SLC35F1: variants seen among roughly 807,000 people sequenced by gnomAD.
SLC35F1 encodes chromosome 6 open reading frame 169.
Under a neutral mutation model 48.7 loss-of-function variants are expected in SLC35F1, and 14 were observed. That is an observed-to-expected ratio of 0.29 (90% confidence interval 0.19 to 0.45). The LOEUF (loss-of-function observed/expected upper bound fraction) is 0.45. Among genes scored for constraint, SLC35F1 ranks in the 20% least tolerant of loss-of-function variants. SLC35F1 has a pLI of 1.00. For missense variants in SLC35F1, 404 were observed against 500.0 expected, an observed-to-expected ratio of 0.81 and a Z score of 1.83; for synonymous variants, 190 against 202.2, an observed-to-expected ratio of 0.94 and a Z score of 0.51.
At chr6:118,058,927 T>A (rs533039367) in intron 1 of SLC35F1, among the ~76,000 whole-genome samples, 1 of 152,332 alleles carries the variant, frequency 6.6e-6, no homozygotes, top group Non-Finnish European at 1.5e-5. Flanking sequence ...ACTGAAATTT[T>A]TTGTGGGGCT....
rs181576432 is a variant in SLC35F1, at chr6:117,939,379, C to T, written c.173+31480C>T. Among the ~76,000 whole-genome samples, 13 of 152,304 alleles carry T rather than the reference C, an allele frequency of 8.5e-5. 1 individual carries two copies. The East Asian group carries it at 2.5e-3, about 29-fold the overall frequency. ...CCAGACAGATCTGAGTCTGACTTCA[C>T]CCCAGCCAGGGACTGCATGTGAGTT... On this transcript the variant is annotated intron_variant, in intron 1 of 7. Coordinates refer to ENST00000360388, the MANE Select transcript of SLC35F1 (RefSeq NM_001029858.4).
chr6:118,093,172 A>C (rs899419971), intron 1 of SLC35F1, among the ~76,000 whole-genome samples: 1 of 152,002 alleles, frequency 6.6e-6, no homozygotes, highest in Non-Finnish European at 1.5e-5. Context: ...AAAAATTAGC[A>C]GGGTGTGGTG....
At chr6:118,050,617 G>A (rs572730762) in intron 1 of SLC35F1, among the ~76,000 whole-genome samples, 4 of 152,154 alleles carry the variant, frequency 2.6e-5, no homozygotes, top group African/African-American at 7.2e-5. Flanking sequence ...CAACACACTT[G>A]AAGGACTGGA....
intron 7 of SLC35F1, among the ~76,000 whole-genome samples, chr6:118,311,794 G>GA (rs1174043176): frequency 6.7e-6 from 1 of 150,248 alleles, no homozygotes; most frequent in African/African-American, 2.4e-5. Context: ...CCTGTCTCAA[G>GA]AAAAAAAAGA....
chr6:118,304,647 C>T (rs941041837), intron 7 of SLC35F1, among the ~76,000 whole-genome samples: 7 of 152,190 alleles, frequency 4.6e-5, no homozygotes, highest in Admixed American at 2.0e-4. Context: ...ATTTACTCTT[C>T]GTGATGTAAG....
chr6:118,298,906 G>A (rs1776224339), intron 7 of SLC35F1, among the ~76,000 whole-genome samples: 1 of 152,188 alleles, frequency 6.6e-6, no homozygotes, highest in Non-Finnish European at 1.5e-5. Context: ...TGGGCATGGT[G>A]GCTCATGCCT....
At chr6:118,290,539 T>A (rs1373541943) in intron 7 of SLC35F1, among the ~76,000 whole-genome samples, 1 of 151,956 alleles carries the variant, frequency 6.6e-6, no homozygotes, top group Non-Finnish European at 1.5e-5. Flanking sequence ...AAATACTCAA[T>A]TAATTTAAAT....
At chr6:118,186,582 G>A (rs1774660031) in intron 2 of SLC35F1, among the ~76,000 whole-genome samples, 1 of 152,080 alleles carries the variant, frequency 6.6e-6, no homozygotes, top group Non-Finnish European at 1.5e-5. Flanking sequence ...TTTTGACTAA[G>A]TTTACTGGGA....
At chr6:118,177,307 A>T (rs746239994) in intron 2 of SLC35F1, among the ~76,000 whole-genome samples, 1 of 152,022 alleles carries the variant, frequency 6.6e-6, no homozygotes, top group Non-Finnish European at 1.5e-5. Context: ...AACTGACCAA[A>T]CTTCATCTTT....
chr6:117,976,089 C>T (rs1225745731), intron 1 of SLC35F1, among the ~76,000 whole-genome samples: 3 of 152,174 alleles, frequency 2.0e-5, no homozygotes, highest in African/African-American at 4.8e-5. Context: ...TCTAAATAAT[C>T]AGGAATTCTG....
rs147909843 is a variant in SLC35F1, at chr6:117,965,863, A to G, written c.173+57964A>G. The stretch of plus-strand genomic sequence containing the variant: ...TGTCTAGCTAAAGGTTTGTAAATGC[A>G]CCAATCAGCGCTATGTCTAACTGAT... On this transcript the variant is annotated intron_variant, in intron 1 of 7. Transcript: ENST00000360388. Among the ~76,000 whole-genome samples, 9 of 152,208 alleles carry G rather than the reference A, an allele frequency of 5.9e-5. No individual in the cohort carries two copies. The East Asian group carries it at 1.7e-3, about 29-fold the overall frequency.
At chr6:118,246,798 C>A (rs1775513173) in intron 3 of SLC35F1, among the ~76,000 whole-genome samples, 1 of 152,048 alleles carries the variant, frequency 6.6e-6, no homozygotes, top group South Asian at 2.1e-4. Context: ...AAAAATGATG[C>A]AACCAACAAA....
At chr6:117,946,443 A>G (rs1285639759) in intron 1 of SLC35F1, among the ~76,000 whole-genome samples, 1 of 152,232 alleles carries the variant, frequency 6.6e-6, no homozygotes, top group African/African-American at 2.4e-5. Flanking sequence ...GCATCTGCTC[A>G]CAGAGGTCCT....
At chr6:118,276,771 G>A (rs1235529749) in intron 5 of SLC35F1, among the ~76,000 whole-genome samples, 2 of 152,176 alleles carry the variant, frequency 1.3e-5, no homozygotes, top group Non-Finnish European at 2.9e-5. Context: ...TTCAGTTACA[G>A]TCTATTAGAG....
At chr6:118,117,051 A>G (rs555099362) in intron 1 of SLC35F1, among the ~76,000 whole-genome samples, 2 of 152,292 alleles carry the variant, frequency 1.3e-5, no homozygotes, top group Non-Finnish European at 2.9e-5. Context: ...TTGTACATAT[A>G]CAAACCCTGT....
At position 118,286,769 on chromosome 6, in the gene SLC35F1, T is replaced by A. The variant is rs1053041407; in HGVS notation, c.1002+1431T>A. Among the ~76,000 whole-genome samples, 24 of 143,686 alleles carry A rather than the reference T, an allele frequency of 1.7e-4. No individual in the cohort carries two copies. The East Asian group carries it at 4.1e-3, about 24-fold the overall frequency. 94.3% of individuals were successfully genotyped at this position (143,686 alleles called of 152,430 possible). A position where few individuals can be genotyped will look rare whatever the true frequency, so the allele number is the denominator to read the frequency against. ...ATATCCATCACCTCACATAGTTACC[T>A]TTTTTCTGTGTGTGTGTGTGTGTGT... On this transcript the variant is annotated intron_variant, in intron 7 of 7. Transcript: ENST00000360388.
Position 118,314,189 on chromosome 6 carries a change from C to A in SLC35F1, c.1164C>A (p.Pro388=). 1 of 1,614,196 alleles carries A rather than the reference C, an allele frequency of 6.2e-7. No homozygotes were observed. Among genetic ancestry groups the A allele is most frequent in the Non-Finnish European group, 8.5e-7 (1 of 1,180,036 alleles). ...TACCGACCACAGCTCAGGTGGAACC[C>A]TCAGTCACCTACACCAGCCTGGGCC... is the stretch of plus-strand genomic sequence containing the variant. ...VDLPTTAQVE[P]SVTYTSLGQE... The change falls in exon 8 of 8, where the codon CCC becomes CCA. Residue 388 remains proline (P), a synonymous_variant. Transcript: ENST00000360388.
At chr6:118,260,545 CA>C (rs1245680524) in intron 3 of SLC35F1, among the ~76,000 whole-genome samples, 5 of 152,024 alleles carry the variant, frequency 3.3e-5, no homozygotes, top group African/African-American at 1.2e-4. Context: ...TACCTTATCA[CA>C]AAGCCTGGCT....
intron 2 of SLC35F1, among the ~76,000 whole-genome samples, chr6:118,177,283 G>A (rs895512881): frequency 6.6e-6 from 1 of 152,050 alleles, no homozygotes; most frequent in African/African-American, 2.4e-5. Flanking sequence ...ATTAGATACT[G>A]TCAAGTATGT....
Sources: gnomAD v4.1 joint callset for allele counts (sites outside exome capture counted in the v4.1 genomes callset) on GRCh38, gnomAD v4.1.1 for gene constraint, MANE v1.5 for transcripts, NCBI Gene and HGNC (gene_info 2026-07-23, HGNC 2026-07-21) for gene names.